PTPRD: variants seen among roughly 807,000 people sequenced by gnomAD.
PTPRD encodes protein tyrosine phosphatase receptor type D.
In PTPRD, 34 loss-of-function variants were observed where a neutral mutation model predicts 214.5. The observed-to-expected ratio is 0.16, with a 90% confidence interval of 0.12 to 0.21. The LOEUF is 0.21. PTPRD is among the 10% of genes least tolerant of loss of function. The probability of loss-of-function intolerance (pLI) is 1.00; values close to 1 mark genes in which losing one functional copy is unlikely to be tolerated. For missense variants in PTPRD, 2,545 were observed against 2,398.7 expected (o/e 1.06, Z -1.27); for synonymous variants, 1,128 against 845.7 (o/e 1.33, Z -5.79).
intron 2 of PTPRD, among the ~76,000 whole-genome samples, chr9:10,461,053 A>G (rs2098954658): frequency 6.6e-6 from 1 of 152,100 alleles, no homozygotes; most frequent in Admixed American, 6.6e-5. Flanking sequence ...ATAGTAAGAA[A>G]TATATAACCT....
At chr9:10,303,539 GAGA>G (rs892207509) in intron 3 of PTPRD, among the ~76,000 whole-genome samples, 6 of 151,964 alleles carry the variant, frequency 3.9e-5, no homozygotes, top group Non-Finnish European at 7.4e-5. Context: ...GAAGAAAAGA[GAGA>G]AGGATCAAAT....
intron 11 of PTPRD, among the ~76,000 whole-genome samples, chr9:8,774,184 T>A (rs2095361722): frequency 6.6e-6 from 1 of 152,192 alleles, no homozygotes; most frequent in Non-Finnish European, 1.5e-5. Flanking sequence ...ACAGGATAAA[T>A]ATATCTTAAC....
At chr9:8,584,627 C>G (rs551155955) in intron 14 of PTPRD, among the ~76,000 whole-genome samples, 2 of 152,050 alleles carry the variant, frequency 1.3e-5, no homozygotes, top group African/African-American at 2.4e-5. Context: ...TATTATTTTT[C>G]CAATGTTCTA....
intron 11 of PTPRD, among the ~76,000 whole-genome samples, chr9:8,987,983 A>C (rs2099352191): frequency 6.6e-6 from 1 of 151,952 alleles, no homozygotes; most frequent in South Asian, 2.1e-4. Flanking sequence ...ATAATGGTAG[A>C]AATATGAGGG....
intron 11 of PTPRD, among the ~76,000 whole-genome samples, chr9:8,889,655 T>A (rs2098521749): frequency 6.8e-6 from 1 of 147,854 alleles, no homozygotes; most frequent in Non-Finnish European, 1.5e-5. Context: ...ATTGTATCAT[T>A]CTTATGCCTT....
At chr9:10,514,697 CAT>C (rs1466329485) in intron 2 of PTPRD, among the ~76,000 whole-genome samples, 2 of 151,682 alleles carry the variant, frequency 1.3e-5, no homozygotes, top group Non-Finnish European at 2.9e-5. Flanking sequence ...GCAAAACAAA[CAT>C]ATTCTTTATT....
chr9:8,368,078 A>G (rs1235237765), intron 39 of PTPRD, among the ~76,000 whole-genome samples: 3 of 152,302 alleles, frequency 2.0e-5, no homozygotes, highest in East Asian at 1.9e-4. Context: ...GAGCAGCTCT[A>G]TGTGCTAGGA....
rs1455505894 is a variant in PTPRD at position 9,478,030 on chromosome 9, C to CTACA, written c.-236-80552_-236-80549dup. 2.0e-5 allele frequency among the ~76,000 whole-genome samples: 3 copies of CTACA among 152,130 alleles called. No individual in the cohort carries two copies. The East Asian group carries it at 5.8e-4, about 29-fold the overall frequency. ...TGAAAATATTACATTTACATTTGTA[C>CTACA]TACACATGGACCGTTCTGAAAAATT... On this transcript the variant is annotated intron_variant, in intron 8 of 45. Coordinates refer to ENST00000381196, the MANE Select transcript of PTPRD (RefSeq NM_002839.4).
At chr9:8,640,553 C>CA (rs1311723005) in intron 12 of PTPRD, among the ~76,000 whole-genome samples, 69 of 77,872 alleles carry the variant, frequency 8.9e-4, no homozygotes, top group Admixed American at 3.2e-3. Flanking sequence ...TCTTAAAAAA[C>CA]AAAAAAACAA....
chr9:9,443,123 C>T (rs890778951), intron 8 of PTPRD, among the ~76,000 whole-genome samples: 10 of 151,986 alleles, frequency 6.6e-5, no homozygotes, highest in African/African-American at 2.2e-4. Flanking sequence ...AAATGAATTT[C>T]AAAAATAGGG....
At chr9:9,487,881 C>T (rs919576393) in intron 8 of PTPRD, among the ~76,000 whole-genome samples, 3 of 152,056 alleles carry the variant, frequency 2.0e-5, no homozygotes, top group East Asian at 1.9e-4. Context: ...CAGAATCTGA[C>T]AGAAGTGATG....
At chr9:9,614,596 GA>G (rs1338098864) in intron 7 of PTPRD, among the ~76,000 whole-genome samples, 1 of 152,112 alleles carries the variant, frequency 6.6e-6, no homozygotes, top group Non-Finnish European at 1.5e-5. Context: ...TCAAAAACTG[GA>G]GTTTTGATTC....
In PTPRD at chr9:10,517,972, G is replaced by A. The variant is rs7048565; in HGVS notation, c.-600+94426C>T. Among the ~76,000 whole-genome samples the A allele has an allele frequency of 6.7e-3, 1,017 of 152,144 alleles. 19 individuals carry two copies. Among genetic ancestry groups the A allele is most frequent in the African/African-American group, 0.023 (952 of 41,536 alleles). ...ACAGAGTTTGGAACTTATTGAATAC[G>A]AATTGGAATATATTGAATATGAACA... On this transcript the variant is annotated intron_variant, in intron 2 of 45. Transcript: ENST00000381196.
chr9:10,484,277 G>C (rs1278580982), intron 2 of PTPRD, among the ~76,000 whole-genome samples: 1 of 152,038 alleles, frequency 6.6e-6, no homozygotes, highest in East Asian at 1.9e-4. Context: ...TAGTACAATG[G>C]ACATTGGAGA....
intron 11 of PTPRD, among the ~76,000 whole-genome samples, chr9:8,762,333 G>A (rs528783119): frequency 1.3e-5 from 2 of 152,202 alleles, no homozygotes; most frequent in Admixed American, 1.3e-4. Flanking sequence ...CACCCTTATT[G>A]TTAGGACTAT....
chr9:10,317,446 A>C (rs1444598995), intron 3 of PTPRD, among the ~76,000 whole-genome samples: 1 of 151,954 alleles, frequency 6.6e-6, no homozygotes, highest in Non-Finnish European at 1.5e-5. Flanking sequence ...AGTTTTGAAT[A>C]CTTATATGGA....
Position 9,186,059 on chromosome 9 carries a change from T to C in PTPRD, c.-202-2696A>G, listed in dbSNP as rs370269232. Among the ~76,000 whole-genome samples the C allele has an allele frequency of 4.2e-4, 64 of 152,188 alleles. 1 individual carries two copies. In the South Asian group the frequency reaches 0.012, roughly 29 times the overall value. Reference sequence around the variant, plus strand: ...TCTAGGTCAACTAAGTTTTCTCCACTGTGATTAAAAATGGCAAATTATTAA... The same window carrying C: ...TCTAGGTCAACTAAGTTTTCTCCACCGTGATTAAAAATGGCAAATTATTAA... On this transcript the variant is annotated intron_variant, in intron 9 of 45. Transcript: ENST00000381196.
At chr9:9,288,973 TC>T (rs1170799916) in intron 9 of PTPRD, among the ~76,000 whole-genome samples, 1 of 151,852 alleles carries the variant, frequency 6.6e-6, no homozygotes, top group East Asian at 2.0e-4. Flanking sequence ...TCCTGTAGGC[TC>T]CCCAGCCCTG....
At chr9:8,334,163 G>A (rs970400879) in intron 43 of PTPRD, among the ~76,000 whole-genome samples, 2 of 152,052 alleles carry the variant, frequency 1.3e-5, no homozygotes, top group African/African-American at 4.8e-5. Flanking sequence ...AGGACTTGAA[G>A]TCAGCTCTGG....
Sources: allele counts gnomAD v4.1 joint callset (sites outside exome capture counted in the v4.1 genomes callset), GRCh38; gene constraint gnomAD v4.1.1; transcripts MANE v1.5; gene names NCBI Gene and HGNC (gene_info 2026-07-23, HGNC 2026-07-21).